The following SEL1L3 variants were observed in gnomAD, a reference collection of about 807,000 sequenced individuals.
SEL1L3 encodes protein sel-1 homolog 3.
SEL1L3 carries 76 observed loss-of-function variants against 142.8 expected under a neutral mutation model. That is an observed-to-expected ratio of 0.53 (90% CI 0.44 to 0.64). SEL1L3 has a LOEUF of 0.64. Ranked by LOEUF, SEL1L3 falls within the 30% of genes least tolerant of loss-of-function variation. The pLI is 0.00. For synonymous variants in SEL1L3, 504 were observed against 519.6 expected, an observed-to-expected ratio of 0.97 and a Z score of 0.41; for missense variants, 1,262 against 1,381.7, an observed-to-expected ratio of 0.91 and a Z score of 1.37.
intron 2 of SEL1L3, among the ~76,000 whole-genome samples, chr4:25,846,351 A>G (rs1020026979): frequency 6.6e-6 from 1 of 152,200 alleles, no homozygotes; most frequent in African/African-American, 2.4e-5. Flanking sequence ...TATCATCATC[A>G]CAGCTTCTCA....
Position 25,766,310 on chromosome 4 carries a change from C to T in SEL1L3, c.2846-875G>A, listed in dbSNP as rs559585789. On this transcript the variant is annotated intron_variant, in intron 19 of 23. Coordinates refer to ENST00000399878, the MANE Select transcript of SEL1L3 (RefSeq NM_015187.5). ...CAGAAATTAGCCAGGAATGGTGGTG[C>T]GTTCCTGTAATCACATCTACTCAGG... 9.2e-5 allele frequency among the ~76,000 whole-genome samples: 14 copies of T among 151,882 alleles called. 1 individual carries two copies. In the South Asian group the frequency reaches 2.7e-3, roughly 29 times the overall value.
At chr4:25,817,635 A>T (rs1044842699) in intron 9 of SEL1L3, among the ~76,000 whole-genome samples, 2 of 152,166 alleles carry the variant, frequency 1.3e-5, no homozygotes, top group African/African-American at 4.8e-5. Context: ...GAGATGATGA[A>T]ACAGACAGGA....
the SEL1L3 span, among the ~76,000 whole-genome samples, chr4:25,730,217 C>A: frequency 6.6e-6 from 1 of 152,118 alleles, no homozygotes; most frequent in Non-Finnish European, 1.5e-5. Context: ...AGCCACCGAG[C>A]CCGGCTACTG....
intron 2 of SEL1L3, among the ~76,000 whole-genome samples, chr4:25,845,014 G>C (rs1419215771): frequency 1.6e-5 from 2 of 127,938 alleles, no homozygotes; most frequent in African/African-American, 6.0e-5. Context: ...TTATTAAAAT[G>C]TAGGTTAAAA....
rs1715542296 is a variant in SEL1L3 at position 25,833,022 on chromosome 4, T to C, written c.1071A>G (p.Arg357=). 1 of 1,608,796 alleles carries C rather than the reference T, an allele frequency of 6.2e-7. No individual in the cohort carries two copies. The highest frequency in any genetic ancestry group is 1.3e-5 in the African/African-American group (1 of 74,808). Residue 357 remains arginine (R), a synonymous_variant, in exon 5 of 24, where the codon CGA becomes CGG. Transcript: ENST00000399878. ...KFIIPLKEWF[R]LDISFNGGQI... ...GGCCTCCGTTAAAAGAGATATCCAG[T>C]CGAAACCACTCCTTCAAAGGTATGA...
intron 14 of SEL1L3, among the ~76,000 whole-genome samples, chr4:25,783,561 G>A (rs1258168220): frequency 2.0e-5 from 3 of 152,166 alleles, no homozygotes; most frequent in South Asian, 2.1e-4. Flanking sequence ...TTTGGACATC[G>A]GTATGCATGC....
the SEL1L3 span, among the ~76,000 whole-genome samples, chr4:25,731,527 A>G: frequency 1.3e-5 from 2 of 152,152 alleles, no homozygotes; most frequent in South Asian, 2.1e-4. Context: ...CCAAGCAATC[A>G]TTGGTCAGCT....
chr4:25,797,850 C>G (rs1360951299), intron 11 of SEL1L3, among the ~76,000 whole-genome samples: 11 of 152,196 alleles, frequency 7.2e-5, no homozygotes, highest in African/African-American at 2.2e-4. Context: ...GGGGAGCCAG[C>G]TCTGTCACCC....
intron 6 of SEL1L3, among the ~76,000 whole-genome samples, chr4:25,828,223 C>T (rs374983563): frequency 3.3e-5 from 5 of 152,220 alleles, no homozygotes; most frequent in South Asian, 2.1e-4. Flanking sequence ...TTTAATCCAG[C>T]CATGAAAATA....
Position 25,862,733 on chromosome 4 carries a change from C to T in SEL1L3, c.104G>A (p.Gly35Asp). ...PRAAAMVPSG[G>D]VPQGLGGRSA... is the part of the protein sequence containing the mutation. Reference sequence around the variant, plus strand: ...GCGGCCGCCGAGGCCCTGGGGGACGCCGCCACTCGGGACCATGGCTGCGGC... The same window carrying T: ...GCGGCCGCCGAGGCCCTGGGGGACGTCGCCACTCGGGACCATGGCTGCGGC... The change falls in exon 1 of 24, where the codon GGC becomes GAC. Residue 35 changes from glycine (G) to aspartate (D), a missense_variant. Transcript: ENST00000399878. 3.1e-6 allele frequency: 4 copies of T among 1,273,350 alleles called. No homozygotes were observed. Among genetic ancestry groups the T allele is most frequent in the African/African-American group, 1.6e-5 (1 of 64,302 alleles). The allele number at this position is 1,273,350 out of a possible 1,614,324, so 78.9% of individuals were successfully genotyped here. A position where few individuals can be genotyped will look rare whatever the true frequency, so the allele number is the denominator to read the frequency against.
the SEL1L3 span, among the ~76,000 whole-genome samples, chr4:25,715,499 A>G: frequency 2.0e-5 from 3 of 152,128 alleles, no homozygotes; most frequent in Non-Finnish European, 4.4e-5. Flanking sequence ...TACAACCCCT[A>G]TGGTGGAAAT....
intron 2 of SEL1L3, among the ~76,000 whole-genome samples, chr4:25,839,755 C>T (rs779848482): frequency 7.9e-5 from 12 of 152,126 alleles, no homozygotes; most frequent in Non-Finnish European, 1.3e-4. Context: ...AACCTTTTCA[C>T]GCTATTTAAA....
At chr4:25,775,879 T>C (rs1034775708) in intron 17 of SEL1L3, among the ~76,000 whole-genome samples, 12 of 152,174 alleles carry the variant, frequency 7.9e-5, no homozygotes, top group African/African-American at 2.9e-4. Flanking sequence ...CTGATCTCTC[T>C]TCTTGCTAGG....
intron 23 of SEL1L3, among the ~76,000 whole-genome samples, chr4:25,752,645 A>G (rs1717678791): frequency 6.6e-6 from 1 of 152,076 alleles, no homozygotes. Context: ...TTTGAGACAG[A>G]GTTTCACTCT....
At chr4:25,862,268 G>C (rs1285183127) in intron 1 of SEL1L3, 1 of 152,166 alleles carries the variant, frequency 6.6e-6, no homozygotes, top group Non-Finnish European at 1.4e-5. Context: ...GGAAGGAAAG[G>C]AGCTGCGAGA....
chr4:25,794,327 GA>G (rs1265768102), intron 11 of SEL1L3, among the ~76,000 whole-genome samples: 1 of 151,542 alleles, frequency 6.6e-6, no homozygotes, highest in Non-Finnish European at 1.5e-5. Context: ...AAATTTACAA[GA>G]AAAAAAACCA....
chr4:25,752,354 T>G (rs1717656927), intron 23 of SEL1L3, among the ~76,000 whole-genome samples: 1 of 149,484 alleles, frequency 6.7e-6, no homozygotes. Context: ...GAGGCGGTGG[T>G]TGCAGTGAGC....
chr4:25,802,590 C>CTT, intron 10 of SEL1L3, 128 bp from the exon 11 acceptor site: 2 of 786,578 alleles, frequency 2.5e-6, no homozygotes, highest in African/African-American at 1.8e-5. Flanking sequence ...GTTAACTTGC[C>CTT]TTTTTTTTTG....
intron 23 of SEL1L3, among the ~76,000 whole-genome samples, chr4:25,750,094 C>T (rs1455892883): frequency 3.9e-5 from 6 of 151,950 alleles, no homozygotes; most frequent in East Asian, 1.9e-4. Flanking sequence ...ATTAGCCGGG[C>T]GTGGTGGCAC....
Sources: allele counts gnomAD v4.1 joint callset (sites outside exome capture counted in the v4.1 genomes callset), GRCh38; gene constraint gnomAD v4.1.1; transcripts MANE v1.5; gene names NCBI Gene and HGNC (gene_info 2026-07-23, HGNC 2026-07-21).